Variants in MAGI2 observed in about 807,000 individuals in gnomAD.
The protein encoded by MAGI2 is membrane associated guanylate kinase, WW and PDZ domain containing 2, also known as membrane-associated guanylate kinase, WW and PDZ domain-containing protein 2.
Under a neutral mutation model 133.3 loss-of-function variants are expected in MAGI2, and 35 were observed. The observed-to-expected ratio is 0.26, with a 90% CI of 0.20 to 0.35. MAGI2 has a LOEUF of 0.35. MAGI2 is among the 10% of genes least tolerant of loss of function. The probability of loss-of-function intolerance (pLI) is 1.00; values close to 1 mark genes in which losing one functional copy is unlikely to be tolerated. For synonymous variants in MAGI2, 729 were observed against 710.6 expected (o/e 1.03, Z -0.41); for missense variants, 1,636 against 1,863.4 (o/e 0.88, Z 2.25).
intron 1 of MAGI2, among the ~76,000 whole-genome samples, chr7:79,040,361 T>C (rs1037361297): frequency 3.3e-5 from 5 of 151,904 alleles, no homozygotes; most frequent in African/African-American, 1.2e-4. Context: ...AATTACCCAG[T>C]CTTGGACAGT....
chr7:78,810,848 T>C (rs1384284602), intron 2 of MAGI2, among the ~76,000 whole-genome samples: 2 of 152,108 alleles, frequency 1.3e-5, no homozygotes, highest in Non-Finnish European at 2.9e-5. Flanking sequence ...TAATTATTTC[T>C]TAATAAATTA....
intron 6 of MAGI2, among the ~76,000 whole-genome samples, chr7:78,463,806 T>A (rs1348548902): frequency 1.3e-5 from 2 of 152,154 alleles, no homozygotes; most frequent in African/African-American, 4.8e-5. Flanking sequence ...TTAGTCAATG[T>A]TGGATTTGTT....
chr7:79,377,516 A>G (rs112948138), intron 1 of MAGI2, among the ~76,000 whole-genome samples: 20 of 151,988 alleles, frequency 1.3e-4, no homozygotes, highest in African/African-American at 4.8e-4. Context: ...TTGGCAATGA[A>G]GCCACGTTCT....
intron 1 of MAGI2, among the ~76,000 whole-genome samples, chr7:79,264,662 T>G (rs923620634): frequency 3.3e-5 from 5 of 152,134 alleles, no homozygotes; most frequent in Non-Finnish European, 7.3e-5. Flanking sequence ...TTTCTGTTGC[T>G]ATAAAGGAAT....
chr7:78,250,105 A>G (rs963760428), intron 10 of MAGI2, among the ~76,000 whole-genome samples: 1 of 152,126 alleles, frequency 6.6e-6, no homozygotes, highest in South Asian at 2.1e-4. Context: ...GAACTAATAT[A>G]TAAAACCCTC....
intron 2 of MAGI2, among the ~76,000 whole-genome samples, chr7:78,647,367 T>G (rs1480358220): frequency 6.6e-6 from 1 of 152,192 alleles, no homozygotes; most frequent in South Asian, 2.1e-4. Flanking sequence ...AACAAGACTT[T>G]TATGCAGCCC....
intron 16 of MAGI2, among the ~76,000 whole-genome samples, chr7:78,143,049 C>T (rs540327833): frequency 6.6e-6 from 1 of 152,214 alleles, no homozygotes; most frequent in East Asian, 1.9e-4. Context: ...CGCAAAGACT[C>T]AGAAAAAGAT....
chr7:78,575,096 T>C (rs1802126978), intron 3 of MAGI2, among the ~76,000 whole-genome samples: 1 of 152,048 alleles, frequency 6.6e-6, no homozygotes, highest in South Asian at 2.1e-4. Flanking sequence ...CTCTTCCAAC[T>C]GAAGTAACAA....
At chr7:79,143,275 A>G (rs1822300597) in intron 1 of MAGI2, among the ~76,000 whole-genome samples, 1 of 152,294 alleles carries the variant, frequency 6.6e-6, no homozygotes, top group South Asian at 2.1e-4. Flanking sequence ...TGTGGAAAAA[A>G]GGTGAATAAT....
chr7:79,325,484 T>C (rs1031310733), intron 1 of MAGI2, among the ~76,000 whole-genome samples: 2 of 152,150 alleles, frequency 1.3e-5, no homozygotes, highest in Non-Finnish European at 2.9e-5. Context: ...AACAGACTTT[T>C]ATGATAAAAC....
In MAGI2 at chr7:78,068,302, G is replaced by A. The variant is rs115750895; in HGVS notation, c.3706+10645C>T. Among the ~76,000 whole-genome samples the A allele has an allele frequency of 7.5e-3, 1,145 of 152,244 alleles. 13 individuals are homozygous for A. Among genetic ancestry groups the A allele is most frequent in the African/African-American group, 0.026 (1,091 of 41,540 alleles). ...GTGGAGCTCAGGCAGTAATGCTCCCGTGCCCACTGCTCACCTCCTGCTATG... is the reference window on the plus strand; with the variant it reads ...GTGGAGCTCAGGCAGTAATGCTCCCATGCCCACTGCTCACCTCCTGCTATG... On this transcript the variant is annotated intron_variant, in intron 21 of 21. Transcript: ENST00000354212.
chr7:78,916,681 A>G (rs1201399841), intron 2 of MAGI2, among the ~76,000 whole-genome samples: 2 of 152,122 alleles, frequency 1.3e-5, no homozygotes, highest in Non-Finnish European at 2.9e-5. Context: ...AAAGAAATAA[A>G]CAAACAAGAT....
chr7:78,838,664 C>A (rs925584335), intron 2 of MAGI2, among the ~76,000 whole-genome samples: 10 of 151,836 alleles, frequency 6.6e-5, no homozygotes, highest in Non-Finnish European at 1.0e-4. Context: ...TGTTCATGAA[C>A]ACCTCAAATA....
Position 78,019,370 on chromosome 7 carries a change from C to T in MAGI2, c.4313G>A (p.Gly1438Asp). Residue 1438 changes from glycine to aspartate, a missense_variant, in exon 22 of 22, where the codon GGT (glycine) becomes GAT (aspartate). By Grantham distance (94) the Gly-to-Asp change is moderately conservative. Around this residue, in one of 5 missense-constraint regions of MAGI2, gnomAD observed 354 missense variants for 298.7 expected, o/e 1.19. Transcript: ENST00000354212. ...AVAPGPWKVP[G>D]SDKLPSVLKP... ...GAGGACGCTGGGCAGCTTGTCAGAACCCGGCACCTTCCAGGGCCCCGGCGC... is the reference window on the plus strand; with the variant it reads ...GAGGACGCTGGGCAGCTTGTCAGAATCCGGCACCTTCCAGGGCCCCGGCGC... 3.4e-6 allele frequency: 5 copies of T among 1,449,602 alleles called. No individual in the cohort carries two copies. The highest frequency in any genetic ancestry group is 4.5e-6 in the Non-Finnish European group (5 of 1,106,944). The allele number at this position is 1,449,602 out of a possible 1,614,324, so 89.8% of individuals were successfully genotyped here.
intron 1 of MAGI2, among the ~76,000 whole-genome samples, chr7:79,216,898 G>A (rs1457167700): frequency 1.3e-5 from 2 of 152,004 alleles, no homozygotes; most frequent in East Asian, 1.9e-4. Flanking sequence ...AGGAATATAA[G>A]AGAGTCTAAC....
At chr7:79,235,113 AG>A (rs1831776443) in intron 1 of MAGI2, among the ~76,000 whole-genome samples, 4 of 151,574 alleles carry the variant, frequency 2.6e-5, no homozygotes. Context: ...CTCGGGGGTC[AG>A]GGGTCAGGGA....
At chr7:78,704,964 G>C (rs1818484863) in intron 2 of MAGI2, among the ~76,000 whole-genome samples, 1 of 151,892 alleles carries the variant, frequency 6.6e-6, no homozygotes, top group Non-Finnish European at 1.5e-5. Context: ...AGTACATGTG[G>C]ACAGAAAGAA....
At chr7:79,030,673 G>A (rs955447379) in intron 1 of MAGI2, among the ~76,000 whole-genome samples, 1 of 152,128 alleles carries the variant, frequency 6.6e-6, no homozygotes, top group Non-Finnish European at 1.5e-5. Context: ...ATTAATGGGA[G>A]TGGCATTATC....
intron 10 of MAGI2, among the ~76,000 whole-genome samples, chr7:78,235,907 C>T (rs1235410710): frequency 1.3e-5 from 2 of 151,830 alleles, no homozygotes; most frequent in African/African-American, 4.8e-5. Flanking sequence ...TAGTTGGTGG[C>T]CAGAAAAGTG....
Sources: allele counts gnomAD v4.1 joint callset (sites outside exome capture counted in the v4.1 genomes callset), GRCh38; gene constraint gnomAD v4.1.1; regional missense constraint gnomAD v4.1.1; transcripts MANE v1.5; gene names NCBI Gene and HGNC (gene_info 2026-07-23, HGNC 2026-07-21).